The following EYS variants were observed in gnomAD, a reference collection of about 807,000 sequenced individuals.
The protein encoded by EYS is EGF-like photoreceptor maintenance factor, also known as protein eyes shut homolog.
In EYS, 250 loss-of-function variants were observed where a neutral mutation model predicts 282.1. That is an observed-to-expected ratio of 0.89 (90% CI 0.80 to 0.98). The LOEUF is 0.98. Among genes scored for constraint, EYS ranks in the 50% least tolerant of loss-of-function variants. The pLI is 0.00. For missense variants in EYS, 4,016 were observed against 3,709.0 expected (o/e 1.08, Z -2.15); for synonymous variants, 1,355 against 1,282.9 (o/e 1.06, Z -1.20).
At chr6:63,952,336 T>C (rs1255952952) in intron 35 of EYS, among the ~76,000 whole-genome samples, 4 of 152,226 alleles carry the variant, frequency 2.6e-5, no homozygotes, top group African/African-American at 9.6e-5. Context: ...CAAGGCCTTC[T>C]CGGCTTAGCA....
At chr6:64,993,363 A>G (rs1771137867) in intron 14 of EYS, among the ~76,000 whole-genome samples, 1 of 151,812 alleles carries the variant, frequency 6.6e-6, no homozygotes, top group Non-Finnish European at 1.5e-5. Context: ...GCTGGGTCAA[A>G]TGGTATATAT....
At chr6:65,316,372 T>C (rs542572158) in intron 11 of EYS, among the ~76,000 whole-genome samples, 1 of 152,064 alleles carries the variant, frequency 6.6e-6, no homozygotes, top group African/African-American at 2.4e-5. Context: ...TCTAATTGAT[T>C]TATTATTTTC....
intron 1 of EYS, among the ~76,000 whole-genome samples, chr6:65,640,463 C>T (rs953781732): frequency 4.6e-5 from 7 of 151,914 alleles, no homozygotes; most frequent in South Asian, 2.1e-4. Flanking sequence ...ATAGGCTATC[C>T]GTGAAATATG....
chr6:65,539,733 TA>T (rs1234891965), intron 2 of EYS, among the ~76,000 whole-genome samples: 2 of 152,202 alleles, frequency 1.3e-5, no homozygotes, highest in African/African-American at 4.8e-5. Flanking sequence ...CAGTTTGCTT[TA>T]AAAAATTTAG....
chr6:64,211,573 A>T (rs111802521), intron 31 of EYS, among the ~76,000 whole-genome samples: 6,818 of 137,654 alleles, frequency 0.05, 239 homozygotes, highest in African/African-American at 0.096. Flanking sequence ...ATATATATAT[A>T]TTTTTTTTCA....
chr6:64,891,955 A>G (rs1767304921), intron 18 of EYS, among the ~76,000 whole-genome samples: 2 of 152,166 alleles, frequency 1.3e-5, no homozygotes, highest in Middle Eastern at 3.4e-3. Context: ...GTATTGAAAT[A>G]ATTCATATTT....
intron 11 of EYS, among the ~76,000 whole-genome samples, chr6:65,319,867 T>C (rs1424457378): frequency 2.6e-5 from 4 of 152,152 alleles, no homozygotes; most frequent in African/African-American, 9.7e-5. Flanking sequence ...CTAGAATGCC[T>C]TCCTATTGAC....
intron 31 of EYS, among the ~76,000 whole-genome samples, chr6:64,168,218 G>A (rs530257272): frequency 2.6e-5 from 4 of 152,208 alleles, no homozygotes; most frequent in African/African-American, 7.2e-5. Flanking sequence ...CCAAGATCAC[G>A]CCACTGCACT....
chr6:63,966,600 A>G (rs544219340), intron 35 of EYS, among the ~76,000 whole-genome samples: 2 of 152,360 alleles, frequency 1.3e-5, no homozygotes, highest in East Asian at 1.9e-4. Flanking sequence ...GGGTGAAAGT[A>G]TACAGCAGAG....
intron 24 of EYS, among the ~76,000 whole-genome samples, chr6:64,608,748 G>GA (rs897250885): frequency 2.6e-5 from 4 of 152,054 alleles, no homozygotes; most frequent in Admixed American, 1.3e-4. Context: ...CTCATGCCAT[G>GA]AAAAAATCCT....
chr6:63,886,944 G>A (rs1195994388), intron 35 of EYS, among the ~76,000 whole-genome samples: 1 of 152,122 alleles, frequency 6.6e-6, no homozygotes, highest in East Asian at 1.9e-4. Flanking sequence ...ACAAAAGGTT[G>A]TTTTCTTACT....
intron 35 of EYS, among the ~76,000 whole-genome samples, chr6:63,880,765 G>A (rs979750550): frequency 9.2e-5 from 14 of 152,210 alleles, no homozygotes; most frequent in African/African-American, 3.4e-4. Flanking sequence ...AATACAAGAG[G>A]CTGAAAGTGG....
At chr6:65,256,292 A>T (rs1857186) in intron 12 of EYS, among the ~76,000 whole-genome samples, 12 of 68,878 alleles carry the variant, frequency 1.7e-4, no homozygotes, top group African/African-American at 8.5e-4. Context: ...TTTTTAATTA[A>T]AGTTTTAGGG....
At chr6:65,357,008 AC>A (rs1209118631) in intron 8 of EYS, among the ~76,000 whole-genome samples, 1 of 152,010 alleles carries the variant, frequency 6.6e-6, no homozygotes, top group Non-Finnish European at 1.5e-5. Flanking sequence ...GAGTGGAAGC[AC>A]TTTTTGCATA....
intron 22 of EYS, among the ~76,000 whole-genome samples, chr6:64,779,700 T>C (rs745553759): frequency 6.6e-6 from 1 of 152,138 alleles, no homozygotes; most frequent in South Asian, 2.1e-4. Context: ...GAATGCAAGA[T>C]GTTGATAAAA....
chr6:65,468,227 C>T (rs1765078748), intron 5 of EYS, among the ~76,000 whole-genome samples: 1 of 152,102 alleles, frequency 6.6e-6, no homozygotes, highest in Admixed American at 6.6e-5. Context: ...CTAATCAGAG[C>T]CGAAGCTACA....
At chr6:65,682,006 A>G in intron 1 of EYS, among the ~76,000 whole-genome samples, 1 of 152,028 alleles carries the variant, frequency 6.6e-6, no homozygotes, top group East Asian at 1.9e-4. Flanking sequence ...AGTCTTCAAT[A>G]CTTTTCCACT....
chr6:64,960,096 T>A (rs1277625853), intron 14 of EYS, among the ~76,000 whole-genome samples: 5 of 152,176 alleles, frequency 3.3e-5, no homozygotes, highest in African/African-American at 1.2e-4. Flanking sequence ...TTTTCAGGTA[T>A]AGAAAAAAAG....
At chr6:64,859,313 A>G (rs1170467077) in intron 19 of EYS, among the ~76,000 whole-genome samples, 2 of 150,076 alleles carry the variant, frequency 1.3e-5, no homozygotes, top group Non-Finnish European at 3.0e-5. Flanking sequence ...ATTCTTTTGG[A>G]TAGTTACTAT....
Sources: allele counts gnomAD v4.1 joint callset (sites outside exome capture counted in the v4.1 genomes callset), GRCh38; gene constraint gnomAD v4.1.1; transcripts MANE v1.5; gene names NCBI Gene and HGNC (gene_info 2026-07-23, HGNC 2026-07-21).